The following SGCZ variants were observed in gnomAD, a reference collection of about 807,000 sequenced individuals.
SGCZ encodes zeta-sarcoglycan.
SGCZ carries 40 observed loss-of-function variants against 41.3 expected under a neutral mutation model. That is an observed-to-expected ratio of 0.97 (90% CI 0.75 to 1.26). SGCZ has a LOEUF of 1.26. Ranked by LOEUF, SGCZ falls within the 50% of genes most tolerant of loss-of-function variation. The pLI, the probability that SGCZ is intolerant of heterozygous loss-of-function variation, is 0.00. For missense variants in SGCZ, 552 were observed against 369.8 expected, an observed-to-expected ratio of 1.49 and a Z score of -4.04; for synonymous variants, 206 against 137.5, an observed-to-expected ratio of 1.50 and a Z score of -3.49.
At chr8:14,595,628 C>T (rs1016100353) in intron 1 of SGCZ, among the ~76,000 whole-genome samples, 1 of 152,158 alleles carries the variant, frequency 6.6e-6, no homozygotes, top group Admixed American at 6.5e-5. Context: ...ATCCTCATCT[C>T]CCTTCCCTCC....
At chr8:15,097,929 T>C (rs890767726) in intron 1 of SGCZ, among the ~76,000 whole-genome samples, 8 of 142,302 alleles carry the variant, frequency 5.6e-5, no homozygotes, top group African/African-American at 2.1e-4. Context: ...TATATATATA[T>C]ATACATACAT....
At chr8:14,563,666 T>A (rs908078553) in intron 1 of SGCZ, among the ~76,000 whole-genome samples, 2 of 151,972 alleles carry the variant, frequency 1.3e-5, no homozygotes, top group African/African-American at 4.8e-5. Flanking sequence ...AGTTTAGAGG[T>A]GAGATCTGGT....
intron 1 of SGCZ, among the ~76,000 whole-genome samples, chr8:14,658,618 C>G (rs1008458038): frequency 2.0e-5 from 3 of 152,176 alleles, no homozygotes; most frequent in African/African-American, 7.2e-5. Context: ...GAGTCCTGCT[C>G]TCTGTCCTAT....
chr8:14,613,144 G>T (rs1805984654), intron 1 of SGCZ, among the ~76,000 whole-genome samples: 1 of 152,198 alleles, frequency 6.6e-6, no homozygotes, highest in Admixed American at 6.5e-5. Context: ...CTGGGAGGGT[G>T]CATGCTGAGT....
intron 5 of SGCZ, among the ~76,000 whole-genome samples, chr8:14,163,526 T>C (rs1804111038): frequency 6.6e-6 from 1 of 152,156 alleles, no homozygotes; most frequent in South Asian, 2.1e-4. Context: ...CATTAATAAA[T>C]ATAAAGAGCC....
chr8:15,022,696 G>A (rs1037198413), intron 1 of SGCZ, among the ~76,000 whole-genome samples: 1 of 152,118 alleles, frequency 6.6e-6, no homozygotes, highest in Non-Finnish European at 1.5e-5. Flanking sequence ...TACAGGATCA[G>A]TATGCTAGCA....
chr8:14,739,942 A>G (rs924129887), intron 1 of SGCZ, among the ~76,000 whole-genome samples: 8 of 152,026 alleles, frequency 5.3e-5, no homozygotes, highest in African/African-American at 1.9e-4. Context: ...TAGTTCTTAT[A>G]TAATAAACAA....
At chr8:14,692,909 C>G (rs530440481) in intron 1 of SGCZ, among the ~76,000 whole-genome samples, 1 of 152,150 alleles carries the variant, frequency 6.6e-6, no homozygotes, top group Non-Finnish European at 1.5e-5. Context: ...AATAACAATT[C>G]TAAACCTTGA....
intron 2 of SGCZ, among the ~76,000 whole-genome samples, chr8:14,497,736 A>T (rs1220905603): frequency 6.6e-6 from 1 of 152,146 alleles, no homozygotes; most frequent in Non-Finnish European, 1.5e-5. Flanking sequence ...GATCCACCCC[A>T]TGATCTAATA....
intron 4 of SGCZ, among the ~76,000 whole-genome samples, chr8:14,180,839 C>A (rs1319564584): frequency 2.0e-5 from 3 of 151,734 alleles, no homozygotes; most frequent in Admixed American, 2.0e-4. Flanking sequence ...GCTATGTGAA[C>A]CTGAATTTGA....
At chr8:14,421,766 G>T (rs1336080400) in intron 2 of SGCZ, among the ~76,000 whole-genome samples, 1 of 151,972 alleles carries the variant, frequency 6.6e-6, no homozygotes, top group Non-Finnish European at 1.5e-5. Flanking sequence ...AATCCCAAAA[G>T]CTCAAAATAG....
chr8:14,866,877 A>G (rs1163891509), intron 1 of SGCZ, among the ~76,000 whole-genome samples: 2 of 152,192 alleles, frequency 1.3e-5, no homozygotes, highest in Non-Finnish European at 2.9e-5. Flanking sequence ...ATCTGCTTGC[A>G]GTGGGATAAA....
chr8:14,573,365 A>AT (rs34581775), intron 1 of SGCZ, among the ~76,000 whole-genome samples: 41,919 of 150,956 alleles, frequency 0.28, 6,339 homozygotes, highest in Non-Finnish European at 0.35. Context: ...GCCCGGCTAA[A>AT]TTTTTTTTGT....
At chr8:15,201,939 G>A (rs923289745) in intron 1 of SGCZ, among the ~76,000 whole-genome samples, 2 of 152,036 alleles carry the variant, frequency 1.3e-5, no homozygotes, top group African/African-American at 2.4e-5. Context: ...TTCACTTACT[G>A]TGTTTCTAAA....
At chr8:14,238,488 A>G (rs1201407665) in intron 3 of SGCZ, among the ~76,000 whole-genome samples, 1 of 152,202 alleles carries the variant, frequency 6.6e-6, no homozygotes, top group Non-Finnish European at 1.5e-5. Flanking sequence ...CTCCTTTAGG[A>G]CATAAAACTC....
chr8:14,418,553 T>G (rs1029985660), intron 2 of SGCZ, among the ~76,000 whole-genome samples: 2 of 151,916 alleles, frequency 1.3e-5, no homozygotes, highest in African/African-American at 4.8e-5. Context: ...TGTCTCATTG[T>G]TTTACCTAAT....
intron 3 of SGCZ, among the ~76,000 whole-genome samples, chr8:14,311,212 A>T (rs1277902085): frequency 6.6e-6 from 1 of 152,114 alleles, no homozygotes; most frequent in Non-Finnish European, 1.5e-5. Flanking sequence ...ACCTGATTTC[A>T]TTTTAAAATA....
chr8:14,486,799 G>A (rs1300965789), intron 2 of SGCZ, among the ~76,000 whole-genome samples: 1 of 152,198 alleles, frequency 6.6e-6, no homozygotes, highest in Non-Finnish European at 1.5e-5. Flanking sequence ...GGGATTACAG[G>A]CATGAGCCAC....
intron 1 of SGCZ, among the ~76,000 whole-genome samples, chr8:15,175,528 C>T (rs2117074171): frequency 6.6e-6 from 1 of 151,926 alleles, no homozygotes; most frequent in Non-Finnish European, 1.5e-5. Context: ...CACACTGGGG[C>T]CTGTTGGAGG....
Sources: gnomAD v4.1 joint callset for allele counts (sites outside exome capture counted in the v4.1 genomes callset) on GRCh38, gnomAD v4.1.1 for gene constraint, MANE v1.5 for transcripts, NCBI Gene and HGNC (gene_info 2026-07-23, HGNC 2026-07-21) for gene names.